The following ABCA1 variants were observed in gnomAD, a reference collection of about 807,000 sequenced individuals.
ABCA1 encodes phospholipid-transporting ATPase ABCA1.
Under a neutral mutation model 262.5 loss-of-function variants are expected in ABCA1, and 133 were observed. That is an observed-to-expected ratio of 0.51 (90% CI 0.44 to 0.59). The LOEUF is 0.59. ABCA1 is among the 20% of genes least tolerant of loss of function. ABCA1 has a pLI of 0.00. For missense variants in ABCA1, 2,452 were observed against 2,777.5 expected (o/e 0.88, Z 2.63); for synonymous variants, 1,022 against 1,043.5 (o/e 0.98, Z 0.40).
In ABCA1 at chr9:104,826,969, G is replaced by A; in HGVS notation, c.2316C>T (p.Gly772=). 6.2e-7 allele frequency: 1 copy of A among 1,614,008 alleles called. No individual in the cohort carries two copies. The highest frequency in any genetic ancestry group is 8.5e-7 in the Non-Finnish European group (1 of 1,180,036). The change falls in exon 16 of 50, where the codon GGC becomes GGT. Residue 772 remains glycine, a synonymous_variant. Transcript: ENST00000374736. ...TCACAGCGAAGATCTTGAGTGTGAAGCCCACGTAGTCCTGCCATGCCACAC... is the reference window on the plus strand; with the variant it reads ...TCACAGCGAAGATCTTGAGTGTGAAACCCACGTAGTCCTGCCATGCCACAC... ...VLCVAWQDYV[G]FTLKIFASLL...
At chr9:104,853,336 C>G (rs931460701) in intron 7 of ABCA1, among the ~76,000 whole-genome samples, 1 of 152,238 alleles carries the variant, frequency 6.6e-6, no homozygotes, top group African/African-American at 2.4e-5. Flanking sequence ...GAGCCCAAAC[C>G]TAGCTCATTC....
At position 104,838,941 on chromosome 9, in the gene ABCA1, C is replaced by A. The variant is rs115243263; in HGVS notation, c.1054+1338G>T. Among the ~76,000 whole-genome samples, 1,241 of 152,002 alleles carry A rather than the reference C, an allele frequency of 8.2e-3. 14 individuals carry two copies. Among genetic ancestry groups the A allele is most frequent in the African/African-American group, 0.029 (1,194 of 41,438 alleles). On this transcript the variant is annotated intron_variant, in intron 9 of 49. Transcript: ENST00000374736. The stretch of plus-strand genomic sequence containing the variant: ...TAATTAAAGTTGCCTACAATACCAT[C>A]CTTTTAAGGCTTGTAAAGCAACTTG...
chr9:104,899,576 C>T (rs754657021), intron 2 of ABCA1, among the ~76,000 whole-genome samples: 32 of 152,146 alleles, frequency 2.1e-4, no homozygotes, highest in Non-Finnish European at 3.5e-4. Flanking sequence ...TGCCCATAAT[C>T]CCAGCTACCC....
chr9:104,905,299 T>C (rs1282581083), intron 1 of ABCA1, among the ~76,000 whole-genome samples: 2 of 152,222 alleles, frequency 1.3e-5, no homozygotes, highest in African/African-American at 4.8e-5. Flanking sequence ...GAGATCTCCA[T>C]GCCAAGGTCA....
At chr9:104,858,476 G>A (rs1836041040) in intron 7 of ABCA1, 46 bp downstream of exon 7, 3 of 1,589,522 alleles carry the variant, frequency 1.9e-6, no homozygotes, top group African/African-American at 1.3e-5. Flanking sequence ...CTCACATTCC[G>A]AAAGCATTAG....
intron 11 of ABCA1, among the ~76,000 whole-genome samples, chr9:104,833,611 G>A (rs532430006): frequency 3.5e-4 from 53 of 152,256 alleles, no homozygotes; most frequent in African/African-American, 1.2e-3. Flanking sequence ...TGTTTCTAGT[G>A]CACCTCCCCC....
At chr9:104,880,541 CAAATA>C (rs1838542216) in intron 5 of ABCA1, among the ~76,000 whole-genome samples, 2 of 149,942 alleles carry the variant, frequency 1.3e-5, no homozygotes, top group South Asian at 4.2e-4. Flanking sequence ...TAAATTTAAA[CAAATA>C]AAATAAGTAA....
At chr9:104,831,495 T>C in intron 13 of ABCA1, 127 bp downstream of exon 13, 6 of 783,060 alleles carry the variant, frequency 7.7e-6, no homozygotes, top group Non-Finnish European at 1.2e-5. Context: ...TGACACCAAG[T>C]TGAGTTTTTT....
intron 20 of ABCA1, among the ~76,000 whole-genome samples, chr9:104,820,530 C>A (rs897190882): frequency 2.0e-5 from 3 of 152,132 alleles, no homozygotes; most frequent in Non-Finnish European, 2.9e-5. Flanking sequence ...AGCACATGAG[C>A]CCCAGCTGTT....
intron 5 of ABCA1, among the ~76,000 whole-genome samples, chr9:104,863,914 G>A (rs1160013309): frequency 4.6e-5 from 7 of 152,210 alleles, no homozygotes; most frequent in African/African-American, 1.4e-4. Context: ...ATGCGAAAAT[G>A]CAGTTTCTTG....
intron 5 of ABCA1, among the ~76,000 whole-genome samples, chr9:104,862,653 C>CAGGG (rs1564198224): frequency 0.013 from 46 of 3,582 alleles, 11 homozygotes; most frequent in South Asian, 0.043. Context: ...CCGGGCCGGG[C>CAGGG]CGGGCCGGGC....
intron 5 of ABCA1, among the ~76,000 whole-genome samples, chr9:104,882,029 A>AAAAAAAAAAAAAAAAAAAAC (rs1838705702): frequency 5.2e-5 from 1 of 19,266 alleles, no homozygotes; most frequent in Non-Finnish European, 9.4e-5. Context: ...CTGTAGCCTT[A>AAAAAAAAAAAAAAAAAAAAC]AAAAAAAAAA....
chr9:104,927,534 A>AC (rs55651941), intron 1 of ABCA1: 20,349 of 152,384 alleles, frequency 0.13, 1,627 homozygotes, highest in Admixed American at 0.22. Flanking sequence ...CCGACCTGCA[A>AC]CCAGAAGGGT....
intron 37 of ABCA1, among the ~76,000 whole-genome samples, chr9:104,797,154 A>C (rs1829970575): frequency 6.6e-6 from 1 of 152,204 alleles, no homozygotes; most frequent in African/African-American, 2.4e-5. Context: ...GGGACAGATA[A>C]TACCCAGGAA....
chr9:104,851,852 G>A lies in ABCA1; in HGVS notation c.721-6283C>T, dbSNP rs143533312. Among the ~76,000 whole-genome samples the A allele has an allele frequency of 5.1e-3, 783 of 152,264 alleles. 4 individuals carry two copies. Among genetic ancestry groups the A allele is most frequent in the African/African-American group, 0.017 (724 of 41,550 alleles). On this transcript the variant is annotated intron_variant, in intron 7 of 49. Coordinates refer to ENST00000374736, the MANE Select transcript of ABCA1 (RefSeq NM_005502.4). ...ATTTGTTAATCCATTATCACTACAC[G>A]AAATGAACACTGGAAGATAATATTA...
At chr9:104,926,718 T>A (rs1235822662) in intron 1 of ABCA1, among the ~76,000 whole-genome samples, 2 of 152,146 alleles carry the variant, frequency 1.3e-5, no homozygotes, top group African/African-American at 4.8e-5. Flanking sequence ...CTCCGAGTTC[T>A]GCGCCGCCCG....
intron 2 of ABCA1, among the ~76,000 whole-genome samples, chr9:104,892,528 C>G (rs941013572): frequency 6.6e-6 from 1 of 152,038 alleles, no homozygotes; most frequent in African/African-American, 2.4e-5. Flanking sequence ...TCTCAATTTC[C>G]CCAGGTACTT....
chr9:104,924,959 T>C (rs1274154891), intron 1 of ABCA1, among the ~76,000 whole-genome samples: 4 of 152,270 alleles, frequency 2.6e-5, no homozygotes, highest in African/African-American at 9.6e-5. Flanking sequence ...CATTTTTTTA[T>C]GTTTACAATG....
chr9:104,804,614 G>A lies in ABCA1; in HGVS notation c.4559+12C>T, dbSNP rs548129422. 1.9e-5 allele frequency: 30 copies of A among 1,612,184 alleles called. No homozygotes were observed. In the Admixed American group the frequency reaches 3.5e-4, roughly 19 times the overall value. On this transcript the variant is annotated intron_variant, in intron 32 of 49. Transcript: ENST00000374736. ...AATAATACGGCAGGGGCCAAGTTTAGTAAAAAGTCACCTTTTGGCTATGAT... is the reference window on the plus strand; with the variant it reads ...AATAATACGGCAGGGGCCAAGTTTAATAAAAAGTCACCTTTTGGCTATGAT...
Sources: gnomAD v4.1 joint callset for allele counts (sites outside exome capture counted in the v4.1 genomes callset) on GRCh38, gnomAD v4.1.1 for gene constraint, MANE v1.5 for transcripts, NCBI Gene and HGNC (gene_info 2026-07-23, HGNC 2026-07-21) for gene names.